Variants in ANKS1B observed in about 807,000 individuals in gnomAD.
The protein encoded by ANKS1B is ankyrin repeat and sterile alpha motif domain containing 1B, also known as ankyrin repeat and sterile alpha motif domain-containing protein 1B.
ANKS1B carries 36 observed loss-of-function variants against 148.3 expected under a neutral mutation model. That is an observed-to-expected ratio of 0.24 (90% CI 0.19 to 0.32). ANKS1B has a LOEUF of 0.32. Among genes scored for constraint, ANKS1B ranks in the 10% least tolerant of loss-of-function variants. The pLI, the probability that ANKS1B is intolerant of heterozygous loss-of-function variation, is 1.00. For synonymous variants in ANKS1B, 542 were observed against 560.8 expected (o/e 0.97, Z 0.47); for missense variants, 1,157 against 1,542.6 (o/e 0.75, Z 4.19).
At position 98,837,309 on chromosome 12, in the gene ANKS1B, C is replaced by T. The variant is rs1033279785; in HGVS notation, c.2779-5173G>A. Among the ~76,000 whole-genome samples, 8 of 150,722 alleles carry T rather than the reference C, an allele frequency of 5.3e-5. No homozygotes were observed. The East Asian group carries it at 1.4e-3, about 25-fold the overall frequency. ...CCGAGATTACGCCACTGCACTCCAG[C>T]CTGGGCGATGGAGCAAGACTCTGTC... is the stretch of plus-strand genomic sequence containing the variant. On this transcript the variant is annotated intron_variant, in intron 17 of 26. Coordinates refer to ENST00000683438, the MANE Select transcript of ANKS1B (RefSeq NM_001352186.2).
chr12:99,881,965 C>T (rs926230348), intron 1 of ANKS1B, among the ~76,000 whole-genome samples: 2 of 152,174 alleles, frequency 1.3e-5, no homozygotes, highest in South Asian at 2.1e-4. Flanking sequence ...ATTTCACAGA[C>T]ATCAATGCCA....
At chr12:99,551,273 T>C (rs1055256937) in intron 9 of ANKS1B, among the ~76,000 whole-genome samples, 2 of 152,120 alleles carry the variant, frequency 1.3e-5, no homozygotes, top group African/African-American at 4.8e-5. Flanking sequence ...CTCAAATACA[T>C]CATCATACTC....
chr12:99,940,028 C>T (rs1193105288), intron 1 of ANKS1B, among the ~76,000 whole-genome samples: 1 of 152,124 alleles, frequency 6.6e-6, no homozygotes, highest in Non-Finnish European at 1.5e-5. Context: ...TTTAGGTAGA[C>T]AAAATATTCA....
intron 14 of ANKS1B, among the ~76,000 whole-genome samples, chr12:99,198,397 A>G (rs1192950125): frequency 1.3e-5 from 2 of 152,196 alleles, no homozygotes; most frequent in African/African-American, 4.8e-5. Flanking sequence ...AAAAAGGTCC[A>G]GCATATTTTA....
At chr12:99,792,882 A>G (rs1429356494) in intron 4 of ANKS1B, among the ~76,000 whole-genome samples, 1 of 152,028 alleles carries the variant, frequency 6.6e-6, no homozygotes, top group Non-Finnish European at 1.5e-5. Context: ...AGGGCATCCA[A>G]ATTGGAAAGG....
chr12:99,339,048 T>C (rs2089465780), intron 12 of ANKS1B, among the ~76,000 whole-genome samples: 1 of 152,152 alleles, frequency 6.6e-6, no homozygotes, highest in Non-Finnish European at 1.5e-5. Context: ...CACTAGGTCA[T>C]GTACACCCCA....
chr12:99,941,418 GAT>G (rs1232685465), intron 1 of ANKS1B, among the ~76,000 whole-genome samples: 1 of 149,626 alleles, frequency 6.7e-6, no homozygotes, highest in African/African-American at 2.5e-5. Context: ...CTAGATCAAA[GAT>G]AACAAGGACC....
At chr12:99,967,708 A>G (rs1348295848) in intron 1 of ANKS1B, among the ~76,000 whole-genome samples, 2 of 151,988 alleles carry the variant, frequency 1.3e-5, no homozygotes, top group Admixed American at 1.3e-4. Flanking sequence ...GGAGATCCAG[A>G]ACATCTTGGC....
intron 1 of ANKS1B, among the ~76,000 whole-genome samples, chr12:99,925,259 T>TC (rs1259763407): frequency 2.0e-5 from 3 of 152,142 alleles, no homozygotes; most frequent in African/African-American, 7.2e-5. Context: ...TTACCTGTAG[T>TC]CACCTTGGGA....
At chr12:98,798,595 T>C (rs907498800) in intron 22 of ANKS1B, among the ~76,000 whole-genome samples, 4 of 152,242 alleles carry the variant, frequency 2.6e-5, no homozygotes, top group Non-Finnish European at 5.9e-5. Flanking sequence ...GGTGATGTTT[T>C]CAGTAAATAT....
intron 17 of ANKS1B, among the ~76,000 whole-genome samples, chr12:99,042,382 T>C (rs1394398460): frequency 6.6e-6 from 1 of 152,216 alleles, no homozygotes; most frequent in African/African-American, 2.4e-5. Flanking sequence ...CTGTTTCAGC[T>C]GAGACCACCC....
intron 12 of ANKS1B, among the ~76,000 whole-genome samples, chr12:99,287,536 A>C (rs1377010013): frequency 2.0e-5 from 3 of 152,214 alleles, no homozygotes; most frequent in African/African-American, 7.2e-5. Flanking sequence ...ACCATTCAGG[A>C]AAACATGACC....
chr12:99,946,035 C>T (rs906170493), intron 1 of ANKS1B, among the ~76,000 whole-genome samples: 3 of 152,054 alleles, frequency 2.0e-5, no homozygotes, highest in African/African-American at 7.2e-5. Flanking sequence ...ATGGAGAATC[C>T]CCCAGATCCA....
At chr12:98,917,217 C>T (rs1407371183) in intron 17 of ANKS1B, among the ~76,000 whole-genome samples, 1 of 152,138 alleles carries the variant, frequency 6.6e-6, no homozygotes, top group Non-Finnish European at 1.5e-5. Flanking sequence ...TTAGCATTTT[C>T]CCGTTGGAGA....
Position 99,852,097 on chromosome 12 carries a change from A to C in ANKS1B, c.135-26708T>G, listed in dbSNP as rs572467271. ...AAACACATCAAGCAAATAATGGTAG[A>C]AGTAATTAATTAATGGTCAAAGGTA... On this transcript the variant is annotated intron_variant, in intron 1 of 26. Coordinates refer to ENST00000683438, the MANE Select transcript of ANKS1B (RefSeq NM_001352186.2). Among the ~76,000 whole-genome samples the C allele has an allele frequency of 1.4e-3, 209 of 152,338 alleles. 1 individual carries two copies. The highest frequency in any genetic ancestry group is 6.8e-3 in the Middle Eastern group (2 of 294).
At chr12:99,751,433 G>A (rs1005696556) in intron 8 of ANKS1B, among the ~76,000 whole-genome samples, 22 of 152,042 alleles carry the variant, frequency 1.4e-4, no homozygotes, top group South Asian at 4.1e-4. Context: ...GAATGGTCCC[G>A]CCAGCATAGC....
At chr12:99,005,635 G>A (rs1265558232) in intron 17 of ANKS1B, among the ~76,000 whole-genome samples, 5 of 152,064 alleles carry the variant, frequency 3.3e-5, no homozygotes, top group Admixed American at 3.3e-4. Context: ...ACCTGCATGC[G>A]CTTTCAAATG....
At chr12:99,620,092 C>T (rs1317180525) in intron 9 of ANKS1B, among the ~76,000 whole-genome samples, 2 of 152,132 alleles carry the variant, frequency 1.3e-5, no homozygotes, top group Non-Finnish European at 1.5e-5. Context: ...CTGCACAGCC[C>T]AATATAAACC....
rs1339415315 is a variant in ANKS1B, at chr12:99,407,966, A to C, written c.1576-8155T>G. Among the ~76,000 whole-genome samples the C allele has an allele frequency of 2.1e-5, 3 of 146,338 alleles. 1 individual carries two copies. Among genetic ancestry groups the C allele is most frequent in the South Asian group, 2.1e-4 (1 of 4,766 alleles). ...TCAATGCAATCATTAACAAAATACT[A>C]ATGATATTCTTCACAGAAATGGAAA... On this transcript the variant is annotated intron_variant, in intron 11 of 26. Coordinates refer to ENST00000683438, the MANE Select transcript of ANKS1B (RefSeq NM_001352186.2).
Sources: gnomAD v4.1 joint callset for allele counts (sites outside exome capture counted in the v4.1 genomes callset) on GRCh38, gnomAD v4.1.1 for gene constraint, MANE v1.5 for transcripts, NCBI Gene and HGNC (gene_info 2026-07-23, HGNC 2026-07-21) for gene names.